The following ZNF362 variants were observed in gnomAD, a reference collection of about 807,000 sequenced individuals.
ZNF362 encodes zinc finger protein 362, also known as rotund homolog.
A neutral mutation model predicts 42.9 loss-of-function variants in ZNF362; 11 were observed. The ratio of observed to expected loss-of-function variants is 0.26; its 90% CI spans 0.16 to 0.42. The LOEUF is 0.42. Among genes scored for constraint, ZNF362 ranks in the 20% least tolerant of loss-of-function variants. The pLI is 1.00. For missense variants in ZNF362, 362 were observed against 576.2 expected (o/e 0.63, Z 3.81); for synonymous variants, 255 against 257.3 (o/e 0.99, Z 0.09).
chr1:33,275,420 C>G (rs1455515786), intron 2 of ZNF362: 1 of 980,634 alleles, frequency 1.0e-6, no homozygotes, highest in Non-Finnish European at 1.2e-6. Context: ...TCCATAACCA[C>G]AGCATTCTCA....
At chr1:33,181,764 T>C in the ZNF362 span, 1 of 263,466 alleles carries the variant, frequency 3.8e-6, no homozygotes, top group Non-Finnish European at 6.9e-6. The surrounding 1 kb of genome is among the most constrained non-coding windows in gnomAD (Gnocchi z 6.5). Context: ...TCCTAAGGGA[T>C]AGGAGCTGGG....
the ZNF362 span, among the ~76,000 whole-genome samples, chr1:33,153,793 G>A: frequency 1.3e-5 from 2 of 152,176 alleles, no homozygotes; most frequent in African/African-American, 4.8e-5. Flanking sequence ...TTATTGAGGC[G>A]CTATTCTAGA....
the ZNF362 span, among the ~76,000 whole-genome samples, chr1:33,189,722 T>TATATATATATATACAC: frequency 8.1e-3 from 837 of 102,914 alleles, 70 homozygotes; most frequent in African/African-American, 0.02. Flanking sequence ...TATATATACA[T>TATATATATATATACAC]ACACACATAC....
chr1:33,155,996 C>T, the ZNF362 span, among the ~76,000 whole-genome samples: 1 of 152,202 alleles, frequency 6.6e-6, no homozygotes, highest in Non-Finnish European at 1.5e-5. Flanking sequence ...AAGAGAATCC[C>T]CCAAGCGCCC....
At chr1:33,137,835 C>T in the ZNF362 span, among the ~76,000 whole-genome samples, 3 of 152,168 alleles carry the variant, frequency 2.0e-5, no homozygotes, top group Non-Finnish European at 2.9e-5. Flanking sequence ...GAGGCACTGT[C>T]GCTTGCCCAA....
chr1:33,131,880 G>GT, the ZNF362 span, among the ~76,000 whole-genome samples: 11 of 150,096 alleles, frequency 7.3e-5, no homozygotes, highest in South Asian at 2.1e-4. Context: ...TGAAAGGTTT[G>GT]TTTTTTTTTC....
chr1:33,140,199 A>G, the ZNF362 span, among the ~76,000 whole-genome samples: 1 of 152,126 alleles, frequency 6.6e-6, no homozygotes, highest in African/African-American at 2.4e-5. The surrounding 1 kb of genome is among the most constrained non-coding windows in gnomAD (Gnocchi z 4.0). Flanking sequence ...GCCGATGAGG[A>G]ACAGGGATGC....
the ZNF362 span, among the ~76,000 whole-genome samples, chr1:33,199,242 A>C: frequency 6.6e-6 from 1 of 152,218 alleles, no homozygotes; most frequent in African/African-American, 2.4e-5. Flanking sequence ...CAAATTGCTC[A>C]AAACAAGTTA....
chr1:33,218,300 G>A, the ZNF362 span, among the ~76,000 whole-genome samples: 32 of 152,228 alleles, frequency 2.1e-4, no homozygotes, highest in Non-Finnish European at 2.6e-4. Flanking sequence ...AATTAGCTGG[G>A]CATGGTGGTG....
the ZNF362 span, among the ~76,000 whole-genome samples, chr1:33,186,186 G>A: frequency 6.6e-6 from 1 of 152,154 alleles, no homozygotes; most frequent in Admixed American, 6.5e-5. Context: ...CCAGCTGAAG[G>A]TGAACAAAGG....
At chr1:33,272,063 C>G (rs1645908486) in intron 2 of ZNF362, among the ~76,000 whole-genome samples, 1 of 152,042 alleles carries the variant, frequency 6.6e-6, no homozygotes, top group Non-Finnish European at 1.5e-5. Context: ...CCCGCTCTGT[C>G]CTGAGGAGCT....
In ZNF362 at chr1:33,281,069, A is replaced by AAACAAC. The variant is rs142850369; in HGVS notation, c.684-497_684-492dup. Among the ~76,000 whole-genome samples, 1 of 150,682 alleles carries AAACAAC rather than the reference A, an allele frequency of 6.6e-6. No homozygotes were observed. The highest frequency in any genetic ancestry group is 2.4e-5 in the African/African-American group (1 of 40,914). On this transcript the variant is annotated intron_variant, in intron 5 of 8. Coordinates refer to ENST00000539719, the MANE Select transcript of ZNF362 (RefSeq NM_152493.3). This position sits in a 1 kb window ranked among gnomAD's most constrained non-coding sequence, Gnocchi z 4.8. ...GGGTGACAGGGTGAGACTCTGTCTCAAACAACAACAACAACAACAACAACA... is the reference window on the plus strand; with the variant it reads ...GGGTGACAGGGTGAGACTCTGTCTCAAACAACAACAACAACAACAACAACAACAACA...
At chr1:33,291,899 A>AT (rs1646081112) in intron 6 of ZNF362, among the ~76,000 whole-genome samples, 2 of 152,214 alleles carry the variant, frequency 1.3e-5, no homozygotes, top group African/African-American at 4.8e-5. Flanking sequence ...AATGCTTGTG[A>AT]TTTTTGCATA....
the ZNF362 span, among the ~76,000 whole-genome samples, chr1:33,238,386 A>AAAATAATAAAATAAAATAAAATAAAAT: frequency 1.7e-5 from 2 of 119,772 alleles, no homozygotes; most frequent in Non-Finnish European, 3.8e-5. Flanking sequence ...TAAAATAAAT[A>AAAATAATAAAATAAAATAAAATAAAAT]AAATAAAATA....
chr1:33,274,405 C>G (rs1048708024), intron 2 of ZNF362, among the ~76,000 whole-genome samples: 1 of 152,216 alleles, frequency 6.6e-6, no homozygotes, highest in Non-Finnish European at 1.5e-5. Context: ...TTGCAGCCTC[C>G]TCACCATAAT....
chr1:33,207,840 A>T, the ZNF362 span, among the ~76,000 whole-genome samples: 8 of 152,094 alleles, frequency 5.3e-5, no homozygotes, highest in African/African-American at 1.7e-4. Flanking sequence ...TAGATTCTGG[A>T]TATTAGCCCT....
At chr1:33,253,768 C>T (rs1171510039), upstream of ZNF362, among the ~76,000 whole-genome samples, 2 of 152,074 alleles carry the variant, frequency 1.3e-5, no homozygotes, top group Admixed American at 6.5e-5. Context: ...TTTTTGAGCG[C>T]TTAGAATGTG....
At chr1:33,241,902 ACCAACCC>A in the ZNF362 span, among the ~76,000 whole-genome samples, 10 of 152,152 alleles carry the variant, frequency 6.6e-5, no homozygotes, top group Non-Finnish European at 1.0e-4. Context: ...ATGAAAATGT[ACCAACCC>A]CCAACCCCCA....
At chr1:33,208,816 T>C in the ZNF362 span, among the ~76,000 whole-genome samples, 1 of 152,198 alleles carries the variant, frequency 6.6e-6, no homozygotes, top group South Asian at 2.1e-4. Flanking sequence ...CTTAAGGAGA[T>C]TTTGGGCTGA....
Sources: allele counts gnomAD v4.1 joint callset (sites outside exome capture counted in the v4.1 genomes callset), GRCh38; gene constraint gnomAD v4.1.1; non-coding constraint Gnocchi (gnomAD v3.1); transcripts MANE v1.5; gene names NCBI Gene and HGNC (gene_info 2026-07-23, HGNC 2026-07-21).